Variants in NPEPPS observed in about 807,000 individuals in gnomAD.
NPEPPS encodes the protein aminopeptidase puromycin sensitive, also known as puromycin-sensitive aminopeptidase.
In NPEPPS, 14 loss-of-function variants were observed where a neutral mutation model predicts 115.5. The observed-to-expected ratio is 0.12, with a 90% CI of 0.08 to 0.19. NPEPPS has a LOEUF of 0.19. Among genes scored for constraint, NPEPPS ranks in the 10% least tolerant of loss-of-function variants. The probability of loss-of-function intolerance (pLI) is 1.00; values close to 1 mark genes in which losing one functional copy is unlikely to be tolerated. For missense variants in NPEPPS, 523 were observed against 1,110.8 expected (o/e 0.47, Z 7.52); for synonymous variants, 285 against 390.6 (o/e 0.73, Z 3.19).
intron 17 of NPEPPS, among the ~76,000 whole-genome samples, chr17:47,607,360 C>T (rs1913578977): frequency 6.6e-6 from 1 of 152,220 alleles, no homozygotes; most frequent in East Asian, 1.9e-4. Context: ...GAGGAAACAG[C>T]AAGTACAAAA....
At chr17:47,543,175 A>G (rs1908900251) in intron 1 of NPEPPS, among the ~76,000 whole-genome samples, 1 of 151,548 alleles carries the variant, frequency 6.6e-6, no homozygotes, top group African/African-American at 2.4e-5. Context: ...AAAAATGCAC[A>G]AGAGTGTTAA....
In NPEPPS at chr17:47,622,267, A is replaced by T. The variant is rs757053589; in HGVS notation, c.*347A>T. 43 of 248,952 alleles carry T rather than the reference A, an allele frequency of 1.7e-4. 1 individual carries two copies. Among genetic ancestry groups the T allele is most frequent in the Non-Finnish European group, 2.6e-4 (40 of 152,966 alleles). 15.4% of individuals were successfully genotyped at this position (248,952 alleles called of 1,614,324 possible). A position where few individuals can be genotyped will look rare whatever the true frequency, so the allele number is the denominator to read the frequency against. ...ATGTTCTGTTTTTATAACCTACCAA[A>T]AGGAAACTAGAGGCTTCTTGGTGAA... On this transcript the variant is annotated 3_prime_UTR_variant, in exon 23 of 23. Coordinates refer to ENST00000322157, the MANE Select transcript of NPEPPS (RefSeq NM_006310.4).
chr17:47,578,519 T>C (rs899016938), intron 3 of NPEPPS, among the ~76,000 whole-genome samples: 6 of 151,980 alleles, frequency 3.9e-5, no homozygotes, highest in African/African-American at 1.4e-4. Flanking sequence ...TACTAGATAA[T>C]AATTATAATT....
At position 47,602,331 on chromosome 17, in the gene NPEPPS, A is replaced by T. The variant is rs184382428; in HGVS notation, c.1740+584A>T. On this transcript the variant is annotated intron_variant, in intron 15 of 22. Coordinates refer to ENST00000322157, the MANE Select transcript of NPEPPS (RefSeq NM_006310.4). ...GTATCAGACATTTGTGCTTTTTTTTAAAAAAAAGCCCGCCGAACGCTGTGG... is the reference window on the plus strand; with the variant it reads ...GTATCAGACATTTGTGCTTTTTTTTTAAAAAAAGCCCGCCGAACGCTGTGG... Among the ~76,000 whole-genome samples, 1,034 of 151,432 alleles carry T rather than the reference A, an allele frequency of 6.8e-3. 10 individuals are homozygous for T. Among genetic ancestry groups the T allele is most frequent in the African/African-American group, 0.024 (982 of 41,208 alleles).
At chr17:47,590,203 C>G (rs113762885) in intron 9 of NPEPPS, among the ~76,000 whole-genome samples, 3 of 151,916 alleles carry the variant, frequency 2.0e-5, no homozygotes, top group African/African-American at 7.3e-5. Flanking sequence ...TCTGGGTTTG[C>G]GGGAGAAGTT....
chr17:47,594,817 A>G (rs1267582974), intron 12 of NPEPPS, among the ~76,000 whole-genome samples: 1 of 151,914 alleles, frequency 6.6e-6, no homozygotes, highest in East Asian at 1.9e-4. Flanking sequence ...TATTTTTAGT[A>G]GAGACAGGGT....
intron 3 of NPEPPS, among the ~76,000 whole-genome samples, chr17:47,578,676 T>C (rs1481729729): frequency 6.6e-6 from 1 of 152,112 alleles, no homozygotes; most frequent in Admixed American, 6.5e-5. Flanking sequence ...TGTATTTCTT[T>C]GTCAGATTTC....
At chr17:47,602,680 T>G (rs1303590501) in intron 15 of NPEPPS, among the ~76,000 whole-genome samples, 1 of 150,934 alleles carries the variant, frequency 6.6e-6, no homozygotes, top group Non-Finnish European at 1.5e-5. Context: ...TTTATCAACT[T>G]CTTTTTTTTT....
At chr17:47,549,712 C>T (rs1159492128) in intron 2 of NPEPPS, among the ~76,000 whole-genome samples, 2 of 133,284 alleles carry the variant, frequency 1.5e-5, no homozygotes, top group Non-Finnish European at 3.1e-5. Flanking sequence ...ACCCAGGAGG[C>T]GGAAGTTGCA....
At chr17:47,543,011 C>T (rs576155264) in intron 1 of NPEPPS, among the ~76,000 whole-genome samples, 1 of 151,892 alleles carries the variant, frequency 6.6e-6, no homozygotes, top group Non-Finnish European at 1.5e-5. Flanking sequence ...GTGGTGCACA[C>T]CTGTAATCCC....
At position 47,538,526 on chromosome 17, in the gene NPEPPS, C is replaced by CTT. The variant is rs1029993473; in HGVS notation, c.255+6990_255+6991dup. The stretch of plus-strand genomic sequence containing the variant: ...ACCGCGCCTAGTCCATATCTGTTTT[C>CTT]TTTTTTTTTTTTTTTTTTTTGGAGA... On this transcript the variant is annotated intron_variant, in intron 1 of 22. Coordinates refer to ENST00000322157, the MANE Select transcript of NPEPPS (RefSeq NM_006310.4). Among the ~76,000 whole-genome samples the CTT allele has an allele frequency of 2.3e-3, 236 of 104,428 alleles. 6 individuals carry two copies. The highest frequency in any genetic ancestry group is 5.5e-3 in the African/African-American group (144 of 26,082). 68.5% of individuals were successfully genotyped at this position (104,428 alleles called of 152,430 possible).
At chr17:47,583,026 T>TC (rs1287757573) in intron 5 of NPEPPS, among the ~76,000 whole-genome samples, 177 bp downstream of exon 5, 2 of 150,572 alleles carry the variant, frequency 1.3e-5, no homozygotes, top group East Asian at 1.9e-4. Flanking sequence ...TTTTTTTTTT[T>TC]CTGTAGAGTT....
chr17:47,535,267 A>G (rs929447289), intron 1 of NPEPPS, among the ~76,000 whole-genome samples: 19 of 93,460 alleles, frequency 2.0e-4, no homozygotes, highest in South Asian at 1.2e-3. Context: ...AAAAAAAAAA[A>G]AAGGCTGGGC....
chr17:47,613,773 A>G, intron 19 of NPEPPS, 48 bp downstream of exon 19: 2 of 1,400,126 alleles, frequency 1.4e-6, no homozygotes, highest in Non-Finnish European at 2.0e-6. Context: ...GAACTTGGAT[A>G]GACACACAGT....
At chr17:47,528,168 G>T (rs2611993), upstream of NPEPPS, among the ~76,000 whole-genome samples, 1,185 of 151,810 alleles carry the variant, frequency 7.8e-3, 7 homozygotes, top group African/African-American at 0.024. Flanking sequence ...CGGGCATGGT[G>T]GTGGGCGCCT....
intron 15 of NPEPPS, 193 bp from the exon 16 acceptor site, chr17:47,603,722 T>A (rs1323590579): frequency 6.6e-6 from 3 of 454,094 alleles, no homozygotes; most frequent in Non-Finnish European, 1.2e-5. Context: ...AATTTCAAGT[T>A]TCCCTTTTCT....
At position 47,622,607 on chromosome 17, in the gene NPEPPS, TTAGTTC is replaced by T. The variant is rs1914650998; in HGVS notation, c.*688_*693del. On this transcript the variant is annotated 3_prime_UTR_variant, in exon 23 of 23. Transcript: ENST00000322157. ...CCCTGTTCTGGTTTTTTTCCTCCCTTTAGTTCCACCCCCAACCCCCATTCCCTGGTG... is the reference window on the plus strand; with the variant it reads ...CCCTGTTCTGGTTTTTTTCCTCCCTTCACCCCCAACCCCCATTCCCTGGTG... 3.5e-6 allele frequency: 1 copy of T among 283,054 alleles called. No homozygotes were observed. The highest frequency in any genetic ancestry group is 5.6e-5 in the Admixed American group (1 of 17,846). The allele number at this position is 283,054 out of a possible 1,614,324, so 17.5% of individuals were successfully genotyped here. A position where few individuals can be genotyped will look rare whatever the true frequency, so the allele number is the denominator to read the frequency against.
rs753383358 is a variant in NPEPPS, at chr17:47,613,257, CTTTTT to C, written c.2239-392_2239-388del. 7.1e-4 allele frequency among the ~76,000 whole-genome samples: 70 copies of C among 98,226 alleles called. No homozygotes were observed. In the East Asian group the frequency reaches 0.013, roughly 19 times the overall value. 64.4% of individuals were successfully genotyped at this position (98,226 alleles called of 152,430 possible). A position where few individuals can be genotyped will look rare whatever the true frequency, so the allele number is the denominator to read the frequency against. On this transcript the variant is annotated intron_variant, in intron 18 of 22. Coordinates refer to ENST00000322157, the MANE Select transcript of NPEPPS (RefSeq NM_006310.4). Reference sequence around the variant, plus strand: ...GTAATATTCACATTTATAATATTTACTTTTTTTTTTTTTTTTTTTTTTTTCTGAGA... The same window carrying C: ...GTAATATTCACATTTATAATATTTACTTTTTTTTTTTTTTTTTTTCTGAGA...
At chr17:47,545,456 A>G (rs1381472628) in intron 1 of NPEPPS, among the ~76,000 whole-genome samples, 1 of 152,008 alleles carries the variant, frequency 6.6e-6, no homozygotes, top group Non-Finnish European at 1.5e-5. Context: ...ATTTATTTGT[A>G]CCATTGATGC....
Sources: gnomAD v4.1 joint callset for allele counts (sites outside exome capture counted in the v4.1 genomes callset) on GRCh38, gnomAD v4.1.1 for gene constraint, MANE v1.5 for transcripts, NCBI Gene and HGNC (gene_info 2026-07-23, HGNC 2026-07-21) for gene names.